The following ZNF699 variants were observed in gnomAD, a reference collection of about 807,000 sequenced individuals.
ZNF699 encodes zinc finger protein 699.
Under a neutral mutation model 22.5 loss-of-function variants are expected in ZNF699, and 18 were observed. The observed-to-expected ratio is 0.80, with a 90% CI of 0.55 to 1.19. The LOEUF is 1.19. ZNF699 is among the 50% of genes most tolerant of loss of function. The pLI, the probability that ZNF699 is intolerant of heterozygous loss-of-function variation, is 0.00. For missense variants in ZNF699, 670 were observed against 763.4 expected, an observed-to-expected ratio of 0.88 and a Z score of 1.44; for synonymous variants, 241 against 262.3, an observed-to-expected ratio of 0.92 and a Z score of 0.78.
intron 3 of ZNF699, among the ~76,000 whole-genome samples, chr19:9,298,856 G>C (rs1354886052): frequency 1.3e-5 from 2 of 152,188 alleles, no homozygotes; most frequent in Non-Finnish European, 2.9e-5. Flanking sequence ...GAAAAGCACA[G>C]TGGGTTCAGA....
rs562850482 is a variant in ZNF699, at chr19:9,295,218, G to A, written c.*257C>T. 1.8e-5 allele frequency: 8 copies of A among 438,700 alleles called. No homozygotes were observed. Among genetic ancestry groups the A allele is most frequent in the South Asian group, 1.2e-4 (2 of 16,554 alleles). The allele number at this position is 438,700 out of a possible 1,614,324, so 27.2% of individuals were successfully genotyped here. A position where few individuals can be genotyped will look rare whatever the true frequency, so the allele number is the denominator to read the frequency against. On this transcript the variant is annotated 3_prime_UTR_variant, in exon 6 of 6. Transcript: ENST00000591998. ...CTATCAGAAAACACTGGTAATCAAC[G>A]AGCCAGCATTCTACTTTAAGGATGA... is the stretch of plus-strand genomic sequence containing the variant.
Position 9,296,260 on chromosome 19 carries a change from C to A in ZNF699, c.1144G>T (p.Gly382Trp). The change falls in exon 6 of 6, where the codon GGG becomes TGG. Residue 382 changes from glycine to tryptophan, a missense_variant. Coordinates refer to ENST00000591998, the MANE Select transcript of ZNF699 (RefSeq NM_198535.3). ...FSESSKLTVH[G>W]RTHTGEKPYK... The stretch of plus-strand genomic sequence containing the variant: ...GGTTTCTCTCCAGTATGTGTCCTCC[C>A]ATGTACAGTGAGTTTTGAGGACTCG... The A allele has an allele frequency of 1.2e-6, 2 of 1,613,438 alleles. No homozygotes were observed. Among genetic ancestry groups the A allele is most frequent in the Non-Finnish European group, 1.7e-6 (2 of 1,179,864 alleles).
In ZNF699 at chr19:9,295,160, G is replaced by A. The variant is rs1027674860; in HGVS notation, c.*315C>T. On this transcript the variant is annotated 3_prime_UTR_variant, in exon 6 of 6. Coordinates refer to ENST00000591998, the MANE Select transcript of ZNF699 (RefSeq NM_198535.3). ...TCATACTAAAAAGTATGTGGCTAGAGCTGAAAAGGTAAATTTATCACCTTC... is the reference window on the plus strand; with the variant it reads ...TCATACTAAAAAGTATGTGGCTAGAACTGAAAAGGTAAATTTATCACCTTC... The A allele has an allele frequency of 3.9e-5, 12 of 309,308 alleles. No individual in the cohort carries two copies. Among genetic ancestry groups the A allele is most frequent in the Non-Finnish European group, 5.9e-5 (10 of 168,832 alleles). The allele number at this position is 309,308 out of a possible 1,614,324, so 19.2% of individuals were successfully genotyped here.
intron 3 of ZNF699, among the ~76,000 whole-genome samples, chr19:9,298,697 C>A (rs1005441667): frequency 6.6e-6 from 1 of 152,164 alleles, no homozygotes; most frequent in African/African-American, 2.4e-5. Context: ...ATGCCACCCA[C>A]AACATACTCA....
chr19:9,307,021 C>T (rs1324910326), intron 1 of ZNF699, among the ~76,000 whole-genome samples: 1 of 151,952 alleles, frequency 6.6e-6, no homozygotes, highest in African/African-American at 2.4e-5. Context: ...GCCAAAATGG[C>T]GAAACCCTGT....
intron 3 of ZNF699, 150 bp from the exon 4 acceptor site, chr19:9,298,140 T>A (rs1014416804): frequency 6.9e-5 from 39 of 564,706 alleles, no homozygotes; most frequent in Non-Finnish European, 9.8e-5. Context: ...TATTTATTTT[T>A]TTTTTTAAAA....
At position 9,294,392 on chromosome 19, in the gene ZNF699, T is replaced by C. The variant is rs10412061; in HGVS notation, c.*1083A>G. On this transcript the variant is annotated 3_prime_UTR_variant, in exon 6 of 6. Transcript: ENST00000591998. ...GCTCAAGTGATCCTCCAGCCTCAGC[T>C]CCCTGAGTAGCTGGGACCACAGGTA... is the stretch of plus-strand genomic sequence containing the variant. 94,646 of 152,164 alleles carry C rather than the reference T, an allele frequency of 0.62. 30,088 individuals are homozygous for C. The highest frequency in any genetic ancestry group is 0.75 in the African/African-American group (31,241 of 41,464). 9.4% of individuals were successfully genotyped at this position (152,164 alleles called of 1,614,324 possible).
Position 9,297,747 on chromosome 19 carries a change from TA to T in ZNF699, c.286+132del. 1.4e-6 allele frequency: 1 copy of T among 701,728 alleles called. No individual in the cohort carries two copies. Among genetic ancestry groups the T allele is most frequent in the African/African-American group, 1.8e-5 (1 of 56,150 alleles). 43.5% of individuals were successfully genotyped at this position (701,728 alleles called of 1,614,324 possible). A position where few individuals can be genotyped will look rare whatever the true frequency, so the allele number is the denominator to read the frequency against. On this transcript the variant is annotated intron_variant, in intron 4 of 5. Coordinates refer to ENST00000591998, the MANE Select transcript of ZNF699 (RefSeq NM_198535.3). The surrounding 1 kb of genome is among the most constrained non-coding windows in gnomAD (Gnocchi z 4.3). ...AACAAGGAAAATGCGAGAGGACTGA[TA>T]AAAAGTCAAAATAGTCATCTGAGCT... is the stretch of plus-strand genomic sequence containing the variant.
Position 9,296,429 on chromosome 19 carries a change from G to A in ZNF699, c.975C>T (p.His325=). 6.2e-7 allele frequency: 1 copy of A among 1,610,302 alleles called. No homozygotes were observed. The highest frequency in any genetic ancestry group is 8.5e-7 in the Non-Finnish European group (1 of 1,178,708). Residue 325 remains histidine (H), a synonymous_variant, in exon 6 of 6, where the codon CAC becomes CAT. Transcript: ENST00000591998. ...AFSCSSSLSK[H]KRIHSGDKPY... Reference sequence around the variant, plus strand: ...GCTTATCTCCACTGTGAATTCTTTTGTGTTTGGAGAGTGAGGAGGAACAAC... The same window carrying A: ...GCTTATCTCCACTGTGAATTCTTTTATGTTTGGAGAGTGAGGAGGAACAAC...
In ZNF699 at chr19:9,295,333, T is replaced by G; in HGVS notation, c.*142A>C. On this transcript the variant is annotated 3_prime_UTR_variant, in exon 6 of 6. Transcript: ENST00000591998. ...TAGCACATGACTTACATACACAGGG[T>G]TTCTCTAAAGTGTCCTCAAATCTTC... 1.9e-6 allele frequency: 2 copies of G among 1,069,030 alleles called. No individual in the cohort carries two copies. The highest frequency in any genetic ancestry group is 3.3e-5 in the South Asian group (2 of 61,224). 66.2% of individuals were successfully genotyped at this position (1,069,030 alleles called of 1,614,324 possible).
At chr19:9,303,415 A>C (rs1047567759) in intron 2 of ZNF699, among the ~76,000 whole-genome samples, 2 of 152,208 alleles carry the variant, frequency 1.3e-5, no homozygotes, top group African/African-American at 2.4e-5. Flanking sequence ...GAACTCAGGG[A>C]AACATGTTTA....
rs1346697901 is a variant in ZNF699, at chr19:9,309,656, G to C, written c.-312C>G. 6.6e-6 allele frequency: 1 copy of C among 152,202 alleles called. No individual in the cohort carries two copies. The highest frequency in any genetic ancestry group is 1.5e-5 in the Non-Finnish European group (1 of 68,030). 9.4% of individuals were successfully genotyped at this position (152,202 alleles called of 1,614,324 possible). A position where few individuals can be genotyped will look rare whatever the true frequency, so the allele number is the denominator to read the frequency against. The stretch of plus-strand genomic sequence containing the variant: ...GCCCCGGGCGCGGGGTCCGGACAAG[G>C]AGTGGCGGGGAGGCAGCCCTTAGAC... On this transcript the variant is annotated 5_prime_UTR_variant, in exon 1 of 6. Coordinates refer to ENST00000591998, the MANE Select transcript of ZNF699 (RefSeq NM_198535.3).
At position 9,297,760 on chromosome 19, in the gene ZNF699, T is replaced by C; in HGVS notation, c.286+120A>G. ...CGAGAGGACTGATAAAAAGTCAAAA[T>C]AGTCATCTGAGCTATCTGTGGAAGA... is the stretch of plus-strand genomic sequence containing the variant. On this transcript the variant is annotated intron_variant, in intron 4 of 5. Transcript: ENST00000591998. This position sits in a 1 kb window ranked among gnomAD's most constrained non-coding sequence, Gnocchi z 4.3. 1.4e-6 allele frequency: 1 copy of C among 734,432 alleles called. No homozygotes were observed. 45.5% of individuals were successfully genotyped at this position (734,432 alleles called of 1,614,324 possible). A position where few individuals can be genotyped will look rare whatever the true frequency, so the allele number is the denominator to read the frequency against.
rs1311187608 is a variant in ZNF699 at position 9,296,665 on chromosome 19, C to T, written c.739G>A (p.Glu247Lys). 40 of 1,613,974 alleles carry T rather than the reference C, an allele frequency of 2.5e-5. No individual in the cohort carries two copies. The highest frequency in any genetic ancestry group is 3.4e-5 in the Non-Finnish European group (40 of 1,180,026). ...CFKKHMKTPT[E>K]EKPYECKECT... The stretch of plus-strand genomic sequence containing the variant: ...TCCTTACATTCATAGGGCTTCTCTT[C>T]AGTGGGGGTTTTCATATGCTTCTTG... The change falls in exon 6 of 6, where the codon GAA becomes AAA. Residue 247 changes from glutamate to lysine, a missense_variant. Glu to Lys is a moderately conservative substitution (Grantham distance 56). Transcript: ENST00000591998.
intron 1 of ZNF699, among the ~76,000 whole-genome samples, chr19:9,307,358 C>A (rs1459262726): frequency 6.6e-6 from 1 of 151,928 alleles, no homozygotes; most frequent in South Asian, 2.1e-4. Context: ...CATGAAGTCA[C>A]AAGGAATAAG....
At chr19:9,307,676 C>T (rs958105291) in intron 1 of ZNF699, among the ~76,000 whole-genome samples, 1 of 152,036 alleles carries the variant, frequency 6.6e-6, no homozygotes, top group African/African-American at 2.4e-5. Context: ...TGGCCAGGCA[C>T]GGTGGCTCAC....
intron 2 of ZNF699, among the ~76,000 whole-genome samples, chr19:9,304,485 C>T (rs1010914228): frequency 1.3e-5 from 2 of 152,094 alleles, no homozygotes; most frequent in South Asian, 2.1e-4. Flanking sequence ...TATTCTAGGC[C>T]AGTGGTCAGC....
rs571569200 is a variant in ZNF699, at chr19:9,296,595, A to G, written c.809T>C (p.Met270Thr). The change falls in exon 6 of 6, where the codon ATG (methionine) becomes ACG (threonine). Residue 270 changes from methionine to threonine, a missense_variant. Transcript: ENST00000591998. The stretch of plus-strand genomic sequence containing the variant: ...GTTTGTCTTTCCGATGTGAATCTTC[A>G]TATGTGCCCTAAAGAATGAGGAACA... ...FSCSSFFRAH[M>T]KIHIGKTNYE... 34 of 1,614,012 alleles carry G rather than the reference A, an allele frequency of 2.1e-5. No individual in the cohort carries two copies. Among genetic ancestry groups the G allele is most frequent in the African/African-American group, 2.7e-5 (2 of 74,892 alleles).
rs2066282141 is a variant in ZNF699 at position 9,295,685 on chromosome 19, G to T, written c.1719C>A (p.Tyr573Ter). The part of the protein sequence containing the change: ...ECGKAFRHSS[Y>*]LTVHARMHTG... ...TGTGCATTCTTGCATGTACAGTAAG[G>T]TATGAAGAATGACGAAATGCTTTCC... Residue 573 changes from tyrosine (Y) to a stop codon, truncating the protein, a stop_gained, in exon 6 of 6, where the codon TAC becomes TAA. Transcript: ENST00000591998. LOFTEE classifies it low-confidence loss of function (END_TRUNC). 2 of 1,614,006 alleles carry T rather than the reference G, an allele frequency of 1.2e-6. No homozygotes were observed. Among genetic ancestry groups the T allele is most frequent in the Non-Finnish European group, 8.5e-7 (1 of 1,180,024 alleles).
Sources: allele counts gnomAD v4.1 joint callset (sites outside exome capture counted in the v4.1 genomes callset), GRCh38; gene constraint gnomAD v4.1.1; non-coding constraint Gnocchi (gnomAD v3.1); transcripts MANE v1.5; gene names NCBI Gene and HGNC (gene_info 2026-07-23, HGNC 2026-07-21).